NFATC3: variants seen among roughly 807,000 people sequenced by gnomAD.
NFATC3 encodes the protein nuclear factor of activated T-cells, cytoplasmic 3.
NFATC3 carries 46 observed loss-of-function variants against 98.6 expected under a neutral mutation model. The ratio of observed to expected loss-of-function variants is 0.47; its 90% CI spans 0.37 to 0.60. The LOEUF (loss-of-function observed/expected upper bound fraction) is 0.60, where lower values mean the gene tolerates loss of function less well. Ranked by LOEUF, NFATC3 falls within the 20% of genes least tolerant of loss-of-function variation. The pLI is 0.00. For missense variants in NFATC3, 1,256 were observed against 1,295.5 expected (o/e 0.97, Z 0.47); for synonymous variants, 512 against 472.2 (o/e 1.08, Z -1.09).
chr16:68,112,365 C>T (rs1411435814), intron 1 of NFATC3, among the ~76,000 whole-genome samples: 2 of 148,376 alleles, frequency 1.3e-5, no homozygotes, highest in Non-Finnish European at 3.0e-5. Context: ...GCAACCTCCA[C>T]CTCCTGGGTT....
rs182925887 is a variant in NFATC3, at chr16:68,211,852, G to T, written c.3107-14498G>T. ...TTGTAAATGTTTGGTCAAAGTTCTT[G>T]TGATCAGGAGAGATGAATGAGGTAT... On this transcript the variant is annotated intron_variant, in intron 9 of 9. Coordinates refer to ENST00000346183, the MANE Select transcript of NFATC3 (RefSeq NM_173165.3). 3.9e-5 allele frequency among the ~76,000 whole-genome samples: 6 copies of T among 152,342 alleles called. No homozygotes were observed. The East Asian group carries it at 1.2e-3, about 29-fold the overall frequency.
At chr16:68,115,870 A>G (rs2036251493) in intron 1 of NFATC3, among the ~76,000 whole-genome samples, 1 of 152,162 alleles carries the variant, frequency 6.6e-6, no homozygotes, top group Non-Finnish European at 1.5e-5. Context: ...CAGTATAACC[A>G]CACTCCACTG....
In NFATC3 at chr16:68,154,317, C is replaced by T. The variant is rs76093922; in HGVS notation, c.1402-3552C>T. Among the ~76,000 whole-genome samples the T allele has an allele frequency of 1.9e-3, 287 of 152,224 alleles. 1 individual carries two copies. Among genetic ancestry groups the T allele is most frequent in the African/African-American group, 6.6e-3 (274 of 41,532 alleles). ...CTATCATTCTGTGTATAGTTAGTTACGAAAATCTCTTTAGGGCCTTCTAGG... is the reference window on the plus strand; with the variant it reads ...CTATCATTCTGTGTATAGTTAGTTATGAAAATCTCTTTAGGGCCTTCTAGG... On this transcript the variant is annotated intron_variant, in intron 3 of 9. Coordinates refer to ENST00000346183, the MANE Select transcript of NFATC3 (RefSeq NM_173165.3).
At chr16:68,184,629 C>T (rs1181961095) in intron 8 of NFATC3, among the ~76,000 whole-genome samples, 1 of 151,958 alleles carries the variant, frequency 6.6e-6, no homozygotes, top group Non-Finnish European at 1.5e-5. Context: ...TGGTGAAACC[C>T]CGTCTCTACT....
At chr16:68,101,057 T>G (rs73612674) in intron 1 of NFATC3, among the ~76,000 whole-genome samples, 2,000 of 152,284 alleles carry the variant, frequency 0.013, 43 homozygotes, top group African/African-American at 0.045. Flanking sequence ...TTACCAATTT[T>G]TTCTTTCATG....
intron 4 of NFATC3, among the ~76,000 whole-genome samples, chr16:68,163,179 T>A (rs2038979945): frequency 6.6e-6 from 1 of 152,114 alleles, no homozygotes; most frequent in South Asian, 2.1e-4. Flanking sequence ...CTCAATCTTT[T>A]CCCCACCTTT....
intron 9 of NFATC3, among the ~76,000 whole-genome samples, chr16:68,195,098 CAAA>C (rs575356501): frequency 7.2e-6 from 1 of 139,166 alleles, no homozygotes. Context: ...ACTACAAATA[CAAA>C]AAAAAAAAGC....
rs766080295 is a variant in NFATC3 at position 68,138,478 on chromosome 16, T to G, written c.1401+11868T>G. On this transcript the variant is annotated intron_variant, in intron 3 of 9. Coordinates refer to ENST00000346183, the MANE Select transcript of NFATC3 (RefSeq NM_173165.3). The stretch of plus-strand genomic sequence containing the variant: ...AAGACCAAAAAAATTTTTTAAAAGT[T>G]TATTTTGCATTTTCTTTCAAATTGT... The G allele has an allele frequency of 3.2e-6, 4 of 1,256,564 alleles. No individual in the cohort carries two copies. The South Asian group carries it at 4.0e-5, about 13-fold the overall frequency. The allele number at this position is 1,256,564 out of a possible 1,614,324, so 77.8% of individuals were successfully genotyped here.
Position 68,227,810 on chromosome 16 carries a change from A to C in NFATC3, c.*1339A>C, listed in dbSNP as rs1318864603. ...GAGTTGGGTACTTTAAAAAAAAAAA[A>C]AACCTGCCCTTACCCCTCTCCCTAA... On this transcript the variant is annotated 3_prime_UTR_variant, in exon 10 of 10. Coordinates refer to ENST00000346183, the MANE Select transcript of NFATC3 (RefSeq NM_173165.3). 1 of 151,948 alleles carries C rather than the reference A, an allele frequency of 6.6e-6. No individual in the cohort carries two copies. The highest frequency in any genetic ancestry group is 1.5e-5 in the Non-Finnish European group (1 of 67,950). 9.4% of individuals were successfully genotyped at this position (151,948 alleles called of 1,614,324 possible). A position where few individuals can be genotyped will look rare whatever the true frequency, so the allele number is the denominator to read the frequency against.
At chr16:68,106,267 A>T (rs1417775956) in intron 1 of NFATC3, among the ~76,000 whole-genome samples, 1 of 151,830 alleles carries the variant, frequency 6.6e-6, no homozygotes, top group Non-Finnish European at 1.5e-5. Context: ...GTTGTGCTAA[A>T]GTAGTGTTTT....
chr16:68,131,142 T>A (rs1454786609), intron 3 of NFATC3, among the ~76,000 whole-genome samples: 2 of 152,354 alleles, frequency 1.3e-5, no homozygotes, highest in Non-Finnish European at 2.9e-5. Context: ...TCTTTGGTGG[T>A]TCAATTTAAA....
chr16:68,151,711 T>G (rs2038330398), intron 3 of NFATC3, among the ~76,000 whole-genome samples: 2 of 152,162 alleles, frequency 1.3e-5, no homozygotes, highest in South Asian at 4.1e-4. Flanking sequence ...TTCACAACAT[T>G]TAAAAAATGC....
chr16:68,086,563 G>A (rs2032938857), intron 1 of NFATC3: 1 of 787,708 alleles, frequency 1.3e-6, no homozygotes, highest in Non-Finnish European at 1.5e-6. Context: ...CAGGATGACT[G>A]GGGACTTAGA....
chr16:68,136,600 C>A (rs1270806518), intron 3 of NFATC3, among the ~76,000 whole-genome samples: 1 of 152,092 alleles, frequency 6.6e-6, no homozygotes, highest in Non-Finnish European at 1.5e-5. Flanking sequence ...TACAAAAGTT[C>A]TTTAAAAAGG....
At position 68,191,253 on chromosome 16, in the gene NFATC3, A is replaced by G; in HGVS notation, c.2584A>G (p.Thr862Ala). 6.2e-6 allele frequency: 10 copies of G among 1,614,192 alleles called. No homozygotes were observed. The highest frequency in any genetic ancestry group is 1.1e-5 in the South Asian group (1 of 91,082). The change falls in exon 9 of 10, where the codon ACA becomes GCA. Residue 862 changes from threonine to alanine, a missense_variant. Around this residue, in one of 3 missense-constraint regions of NFATC3, gnomAD observed 636 missense variants for 617.3 expected, o/e 1.03. Coordinates refer to ENST00000346183, the MANE Select transcript of NFATC3 (RefSeq NM_173165.3). ...IPFHSSNSGS[T>A]GHLLAHTPHS... is the part of the protein sequence containing the mutation. ...ATTTCATTCTTCAAATTCAGGCTCA[A>G]CAGGACATCTCTTAGCCCATACACC...
At chr16:68,121,352 G>A (rs2036570967) in intron 1 of NFATC3, among the ~76,000 whole-genome samples, 1 of 144,254 alleles carries the variant, frequency 6.9e-6, no homozygotes, top group Non-Finnish European at 1.5e-5. Context: ...GTATTTTTTA[G>A]AATTATGGAT....
chr16:68,165,197 T>G (rs530282419), intron 4 of NFATC3, among the ~76,000 whole-genome samples: 2 of 152,240 alleles, frequency 1.3e-5, no homozygotes, highest in South Asian at 4.1e-4. Context: ...TGCTTTGAGC[T>G]AAAGTGCAGT....
chr16:68,095,100 A>C (rs549364606), intron 1 of NFATC3, among the ~76,000 whole-genome samples: 1 of 152,160 alleles, frequency 6.6e-6, no homozygotes, highest in Non-Finnish European at 1.5e-5. Flanking sequence ...AAAATCTGTT[A>C]GGGAGGAAGA....
intron 1 of NFATC3, 30 bp from the exon 2 acceptor site, chr16:68,121,957 G>GT (rs57424404): frequency 0.068 from 77,688 of 1,141,008 alleles, 7 homozygotes; most frequent in Non-Finnish European, 0.074. Flanking sequence ...GTTTTGTTGG[G>GT]TTTTTTTTTT....
Sources: allele counts gnomAD v4.1 joint callset (sites outside exome capture counted in the v4.1 genomes callset), GRCh38; gene constraint gnomAD v4.1.1; regional missense constraint gnomAD v4.1.1; transcripts MANE v1.5; gene names NCBI Gene and HGNC (gene_info 2026-07-23, HGNC 2026-07-21).